The following DOK6 variants were observed in gnomAD, a reference collection of about 807,000 sequenced individuals.
The protein encoded by DOK6 is downstream of tyrosine kinase 6.
DOK6 carries 22 observed loss-of-function variants against 44.0 expected under a neutral mutation model. The ratio of observed to expected loss-of-function variants is 0.50; its 90% CI spans 0.36 to 0.71. The LOEUF is 0.71. Among genes scored for constraint, DOK6 ranks in the 30% least tolerant of loss-of-function variants. The pLI is 0.00. For missense variants in DOK6, 340 were observed against 416.4 expected, an observed-to-expected ratio of 0.82 and a Z score of 1.60; for synonymous variants, 166 against 145.5, an observed-to-expected ratio of 1.14 and a Z score of -1.01.
At position 69,813,218 on chromosome 18, in the gene DOK6, A is replaced by G. The variant is rs76550529; in HGVS notation, c.857-28026A>G. 2.3e-3 allele frequency among the ~76,000 whole-genome samples: 348 copies of G among 152,264 alleles called. 1 individual carries two copies. The highest frequency in any genetic ancestry group is 7.9e-3 in the African/African-American group (329 of 41,568). ...ATTAAGTGACTTTTGAAGTTCCAAA[A>G]TTTGAGGTGCCCTTATCTGCCATTG... On this transcript the variant is annotated intron_variant, in intron 7 of 7. Coordinates refer to ENST00000382713, the MANE Select transcript of DOK6 (RefSeq NM_152721.6).
intron 7 of DOK6, among the ~76,000 whole-genome samples, chr18:69,773,650 G>A (rs1205963997): frequency 1.3e-5 from 2 of 151,964 alleles, no homozygotes; most frequent in East Asian, 3.9e-4. Flanking sequence ...ATTCACAGAA[G>A]CAGGGAACAG....
intron 3 of DOK6, among the ~76,000 whole-genome samples, chr18:69,612,742 A>G (rs775309141): frequency 5.6e-4 from 86 of 152,220 alleles, no homozygotes; most frequent in Non-Finnish European, 1.1e-3. Context: ...TTACCCCTGT[A>G]TTCCTAGCAC....
intron 1 of DOK6, among the ~76,000 whole-genome samples, chr18:69,475,345 G>A (rs1980230240): frequency 6.6e-6 from 1 of 152,018 alleles, no homozygotes; most frequent in African/African-American, 2.4e-5. Context: ...TGGACCCAGT[G>A]GAAATGCACT....
At chr18:69,502,120 T>A (rs569791606) in intron 1 of DOK6, among the ~76,000 whole-genome samples, 1 of 152,262 alleles carries the variant, frequency 6.6e-6, no homozygotes, top group East Asian at 1.9e-4. Context: ...TGGTAAATTG[T>A]GGTTGCAATA....
intron 5 of DOK6, among the ~76,000 whole-genome samples, chr18:69,729,279 C>T (rs909036787): frequency 1.3e-5 from 2 of 152,082 alleles, no homozygotes; most frequent in Non-Finnish European, 2.9e-5. Context: ...AGTTAAACCT[C>T]GCTTTGTTAT....
intron 3 of DOK6, among the ~76,000 whole-genome samples, chr18:69,646,769 A>G (rs1314190902): frequency 1.3e-5 from 2 of 152,102 alleles, no homozygotes; most frequent in African/African-American, 4.8e-5. Context: ...CTCCTGGTCT[A>G]TGCACTTCCA....
chr18:69,836,758 A>G (rs1471468773), intron 7 of DOK6, among the ~76,000 whole-genome samples: 1 of 152,218 alleles, frequency 6.6e-6, no homozygotes, highest in East Asian at 1.9e-4. Flanking sequence ...GTGATGAGCA[A>G]GGCTGTTGCA....
At chr18:69,767,129 G>A (rs1979741129) in intron 7 of DOK6, among the ~76,000 whole-genome samples, 1 of 152,168 alleles carries the variant, frequency 6.6e-6, no homozygotes, top group East Asian at 1.9e-4. Flanking sequence ...CTACTCAGGA[G>A]GCTGAGGCAC....
intron 1 of DOK6, among the ~76,000 whole-genome samples, chr18:69,494,664 T>C (rs1160918537): frequency 3.3e-5 from 5 of 152,220 alleles, no homozygotes; most frequent in African/African-American, 1.2e-4. Context: ...CCTGTACTCA[T>C]TAATTAAATG....
At chr18:69,406,293 AT>A (rs1916205578) in intron 1 of DOK6, among the ~76,000 whole-genome samples, 1 of 152,156 alleles carries the variant, frequency 6.6e-6, no homozygotes, top group South Asian at 2.1e-4. Context: ...TAGAAACTCT[AT>A]CTCTATTGGC....
At chr18:69,556,899 C>T (rs1163500064) in intron 1 of DOK6, among the ~76,000 whole-genome samples, 2 of 152,154 alleles carry the variant, frequency 1.3e-5, no homozygotes, top group Non-Finnish European at 2.9e-5. Flanking sequence ...GTGTGTCTTT[C>T]AATAGTACTA....
intron 2 of DOK6, among the ~76,000 whole-genome samples, chr18:69,572,125 G>A (rs1287773042): frequency 6.6e-6 from 1 of 152,108 alleles, no homozygotes; most frequent in Non-Finnish European, 1.5e-5. Context: ...ATGCAAAAGG[G>A]CTAAATAGAT....
chr18:69,563,250 T>A (rs2144596969), intron 1 of DOK6, among the ~76,000 whole-genome samples: 1 of 152,330 alleles, frequency 6.6e-6, no homozygotes, highest in Non-Finnish European at 1.5e-5. Flanking sequence ...TGGCGATTCC[T>A]CAGGGATCTA....
intron 7 of DOK6, among the ~76,000 whole-genome samples, chr18:69,767,941 A>G (rs1979768851): frequency 6.6e-6 from 1 of 152,184 alleles, no homozygotes; most frequent in Non-Finnish European, 1.5e-5. Flanking sequence ...CAGATGTTAC[A>G]CTGGATTAGT....
intron 1 of DOK6, among the ~76,000 whole-genome samples, chr18:69,437,859 A>G (rs1459876621): frequency 6.6e-6 from 1 of 152,148 alleles, no homozygotes; most frequent in Non-Finnish European, 1.5e-5. Flanking sequence ...GAGTCAAACA[A>G]ATTTGGAGGT....
rs535980036 is a variant in DOK6, at chr18:69,500,772, TA to T, written c.67-63713del. Among the ~76,000 whole-genome samples, 150 of 152,288 alleles carry T rather than the reference TA, an allele frequency of 9.8e-4. 1 individual carries two copies. Among genetic ancestry groups the T allele is most frequent in the African/African-American group, 3.4e-3 (140 of 41,560 alleles). On this transcript the variant is annotated intron_variant, in intron 1 of 7. Transcript: ENST00000382713. ...CTTATAATCACCCTGAAATGTAAATTAATTTCAGTCAATATAGTTTGACAAA... is the reference window on the plus strand; with the variant it reads ...CTTATAATCACCCTGAAATGTAAATTATTTCAGTCAATATAGTTTGACAAA...
rs529426317 is a variant in DOK6, at chr18:69,798,459, A to C, written c.856+40586A>C. Among the ~76,000 whole-genome samples, 20 of 152,206 alleles carry C rather than the reference A, an allele frequency of 1.3e-4. No homozygotes were observed. The South Asian group carries it at 3.5e-3, about 27-fold the overall frequency. On this transcript the variant is annotated intron_variant, in intron 7 of 7. Transcript: ENST00000382713. ...GTTTTCTGTATCTGTGTGTATTTTA[A>C]ATAAAATGGTTAAACTCTTGTATGT...
intron 2 of DOK6, among the ~76,000 whole-genome samples, chr18:69,589,995 T>C (rs1401666728): frequency 6.6e-6 from 1 of 152,084 alleles, no homozygotes; most frequent in African/African-American, 2.4e-5. Context: ...ACTCCTAAAA[T>C]ATCTAAATAT....
At chr18:69,755,772 T>C (rs1046095292) in intron 6 of DOK6, among the ~76,000 whole-genome samples, 5 of 152,214 alleles carry the variant, frequency 3.3e-5, no homozygotes, top group African/African-American at 9.6e-5. Context: ...GATGCAGGAT[T>C]TTTTTGCTCC....
Sources: allele counts gnomAD v4.1 joint callset (sites outside exome capture counted in the v4.1 genomes callset), GRCh38; gene constraint gnomAD v4.1.1; transcripts MANE v1.5; gene names NCBI Gene and HGNC (gene_info 2026-07-23, HGNC 2026-07-21).